Variants in MEIS2 observed in about 807,000 individuals in gnomAD.
MEIS2 encodes the protein homeobox protein Meis2.
MEIS2 carries 9 observed loss-of-function variants against 58.6 expected under a neutral mutation model. The ratio of observed to expected loss-of-function variants is 0.15; its 90% CI spans 0.09 to 0.27. MEIS2 has a LOEUF of 0.27. MEIS2 is among the 10% of genes least tolerant of loss of function. The pLI, the probability that MEIS2 is intolerant of heterozygous loss-of-function variation, is 1.00. For synonymous variants in MEIS2, 221 were observed against 228.4 expected (o/e 0.97, Z 0.29); for missense variants, 427 against 635.0 (o/e 0.67, Z 3.52).
At chr15:36,952,327 A>G (rs1204821549) in intron 8 of MEIS2, among the ~76,000 whole-genome samples, 1 of 152,070 alleles carries the variant, frequency 6.6e-6, no homozygotes, top group Non-Finnish European at 1.5e-5. Flanking sequence ...GCACCCTTTG[A>G]CTTTTTGACC....
chr15:36,967,420 C>A (rs2059391923), intron 8 of MEIS2, among the ~76,000 whole-genome samples: 1 of 152,092 alleles, frequency 6.6e-6, no homozygotes, highest in South Asian at 2.1e-4. Context: ...CCCAAGAACA[C>A]CAGAATGCAG....
chr15:37,062,679 C>A (rs1268147736), intron 7 of MEIS2, among the ~76,000 whole-genome samples: 1 of 152,162 alleles, frequency 6.6e-6, no homozygotes, highest in Admixed American at 6.5e-5. Flanking sequence ...TAATTTTATC[C>A]TAGTGAGGGC....
chr15:37,011,138 T>G (rs2141633380), intron 8 of MEIS2, among the ~76,000 whole-genome samples: 1 of 152,348 alleles, frequency 6.6e-6, no homozygotes. Flanking sequence ...TAGCTCTGTA[T>G]GTAAGTATAT....
chr15:37,027,247 A>G (rs1230883574), intron 8 of MEIS2, among the ~76,000 whole-genome samples: 1 of 152,206 alleles, frequency 6.6e-6, no homozygotes, highest in Non-Finnish European at 1.5e-5. Flanking sequence ...AAGGCAGGAC[A>G]TTTCCAGGAG....
At chr15:36,976,762 T>G (rs1418111980) in intron 8 of MEIS2, among the ~76,000 whole-genome samples, 1 of 152,180 alleles carries the variant, frequency 6.6e-6, no homozygotes, top group South Asian at 2.1e-4. Flanking sequence ...CAATATTTAC[T>G]ATCCACCTAC....
In MEIS2 at chr15:37,083,775, C is replaced by A. The variant is rs370758497; in HGVS notation, c.750G>T (p.Glu250Asp). 6.2e-7 allele frequency: 1 copy of A among 1,612,578 alleles called. No individual in the cohort carries two copies. Among genetic ancestry groups the A allele is most frequent in the Non-Finnish European group, 8.5e-7 (1 of 1,179,410 alleles). Residue 250 changes from glutamate (E) to aspartate (D), a missense_variant, in exon 7 of 12, where the codon GAG becomes GAT. Coordinates refer to ENST00000561208, the MANE Select transcript of MEIS2 (RefSeq NM_170675.5). ...HASQSGDNSSEQGDGLDNSVA... is the reference protein window; with the variant it reads ...HASQSGDNSSDQGDGLDNSVA... ...GGAAAATGTTTGACCTTTTACCTTG[C>A]TCACTGCTGTTGTCTCCGCTCTGGG...
intron 8 of MEIS2, among the ~76,000 whole-genome samples, chr15:37,011,487 T>C (rs1481931418): frequency 2.6e-5 from 4 of 152,152 alleles, no homozygotes; most frequent in African/African-American, 9.7e-5. Context: ...AAAGTGTGTA[T>C]TACTGATAAT....
chr15:36,894,677 G>A, intron 11 of MEIS2: 7 of 1,459,308 alleles, frequency 4.8e-6, no homozygotes, highest in Non-Finnish European at 6.7e-6. Flanking sequence ...TAAAGTCTCT[G>A]AAGTGATAGT....
Position 37,040,158 on chromosome 15 carries a change from A to G in MEIS2, c.755-3199T>C, listed in dbSNP as rs536710203. Reference sequence around the variant, plus strand: ...TGTGCCAAATGAGTTTATGTGCTGAAAAAGGTATGTATACCAGCACAAATG... The same window carrying G: ...TGTGCCAAATGAGTTTATGTGCTGAGAAAGGTATGTATACCAGCACAAATG... On this transcript the variant is annotated intron_variant, in intron 7 of 11. Coordinates refer to ENST00000561208, the MANE Select transcript of MEIS2 (RefSeq NM_170675.5). Among the ~76,000 whole-genome samples, 14 of 152,266 alleles carry G rather than the reference A, an allele frequency of 9.2e-5. No homozygotes were observed. In the East Asian group the frequency reaches 2.3e-3, roughly 25 times the overall value.
At chr15:37,031,361 G>A (rs2061912616) in intron 8 of MEIS2, among the ~76,000 whole-genome samples, 1 of 151,592 alleles carries the variant, frequency 6.6e-6, no homozygotes, top group Non-Finnish European at 1.5e-5. Flanking sequence ...GGGCAAAATA[G>A]TCTAAGTCTC....
chr15:36,919,985 C>T (rs1288134955), intron 9 of MEIS2, among the ~76,000 whole-genome samples: 2 of 152,038 alleles, frequency 1.3e-5, no homozygotes, highest in African/African-American at 4.8e-5. Flanking sequence ...AGTTATTGTT[C>T]CTTGAAGTCA....
intron 7 of MEIS2, among the ~76,000 whole-genome samples, chr15:37,051,399 C>G (rs2062913399): frequency 6.6e-6 from 1 of 152,094 alleles, no homozygotes; most frequent in African/African-American, 2.4e-5. Context: ...ATATTAAATT[C>G]TAGAAAATGC....
intron 7 of MEIS2, among the ~76,000 whole-genome samples, chr15:37,076,175 A>T (rs1014576169): frequency 7.9e-5 from 12 of 152,054 alleles, no homozygotes; most frequent in African/African-American, 2.9e-4. Context: ...GAAAATAAAA[A>T]GTGATTCTCC....
chr15:37,032,545 T>C (rs79505662), intron 8 of MEIS2, among the ~76,000 whole-genome samples: 138 of 152,290 alleles, frequency 9.1e-4, no homozygotes, highest in Middle Eastern at 3.4e-3. Flanking sequence ...TTTTGTCTGT[T>C]TGTTTGTTTG....
rs373210575 is a variant in MEIS2, at chr15:37,098,218, G to C, written c.13-19C>G. Reference sequence around the variant, plus strand: ...CATCGTACTGTCAGAACCCGGGAAGGGGGAGGGGGCGCAGGAGGTGAGGGA... The same window carrying C: ...CATCGTACTGTCAGAACCCGGGAAGCGGGAGGGGGCGCAGGAGGTGAGGGA... On this transcript the variant is annotated intron_variant, in intron 1 of 11. Transcript: ENST00000561208. 4.1e-5 allele frequency: 65 copies of C among 1,571,496 alleles called. No homozygotes were observed. Among genetic ancestry groups the C allele is most frequent in the African/African-American group, 4.0e-4 (30 of 74,270 alleles).
At chr15:37,051,442 T>C (rs183201679) in intron 7 of MEIS2, among the ~76,000 whole-genome samples, 189 of 152,252 alleles carry the variant, frequency 1.2e-3, no homozygotes, top group Non-Finnish European at 1.6e-3. Flanking sequence ...AGCAGATCAG[T>C]GGTTACTTGA....
At chr15:36,957,250 C>A (rs1334842296) in intron 8 of MEIS2, among the ~76,000 whole-genome samples, 2 of 152,088 alleles carry the variant, frequency 1.3e-5, no homozygotes, top group African/African-American at 4.8e-5. Flanking sequence ...AAAGTTGAAA[C>A]TCTAAAGTGA....
intron 8 of MEIS2, among the ~76,000 whole-genome samples, chr15:37,007,642 G>A (rs996453658): frequency 6.6e-6 from 1 of 152,084 alleles, no homozygotes; most frequent in African/African-American, 2.4e-5. Context: ...GTTATTTTAA[G>A]GCAAAAACAT....
intron 8 of MEIS2, among the ~76,000 whole-genome samples, chr15:36,959,419 T>C (rs2059103984): frequency 6.6e-6 from 1 of 152,182 alleles, no homozygotes; most frequent in South Asian, 2.1e-4. Context: ...AGACTGGCTA[T>C]CCGTACTTTA....
Sources: gnomAD v4.1 joint callset for allele counts (sites outside exome capture counted in the v4.1 genomes callset) on GRCh38, gnomAD v4.1.1 for gene constraint, MANE v1.5 for transcripts, NCBI Gene and HGNC (gene_info 2026-07-23, HGNC 2026-07-21) for gene names.